Variants in PHACTR1 observed in about 807,000 individuals in gnomAD.
The protein encoded by PHACTR1 is RPEL repeat containing 1.
In PHACTR1, 16 loss-of-function variants were observed where a neutral mutation model predicts 69.2. The observed-to-expected ratio is 0.23, with a 90% CI of 0.16 to 0.35. The LOEUF is 0.35. Among genes scored for constraint, PHACTR1 ranks in the 10% least tolerant of loss-of-function variants. The pLI is 1.00. For missense variants in PHACTR1, 510 were observed against 734.7 expected, an observed-to-expected ratio of 0.69 and a Z score of 3.54; for synonymous variants, 312 against 284.5, an observed-to-expected ratio of 1.10 and a Z score of -0.97.
chr6:13,007,383 A>C (rs1002363376), intron 4 of PHACTR1, among the ~76,000 whole-genome samples: 1 of 152,196 alleles, frequency 6.6e-6, no homozygotes. Context: ...AAGAAACTGA[A>C]TACTTTGGAA....
intron 4 of PHACTR1, among the ~76,000 whole-genome samples, chr6:13,020,454 G>T (rs9369759): frequency 1.3e-5 from 2 of 152,036 alleles, no homozygotes; most frequent in Non-Finnish European, 2.9e-5. Flanking sequence ...GGACGTTGCT[G>T]TGACAGGCAG....
intron 4 of PHACTR1, among the ~76,000 whole-genome samples, chr6:12,835,032 C>T (rs779220662): frequency 2.0e-5 from 3 of 152,094 alleles, no homozygotes; most frequent in Admixed American, 6.6e-5. Flanking sequence ...GAGCAATGAG[C>T]TTAGGATGAA....
In PHACTR1 at chr6:12,899,831, G is replaced by A. The variant is rs79328972; in HGVS notation, c.250+150041G>A. ...TTCCAGCATGGCATGAGCTCACTGCGCAGGAGACTGCACGCCCGGGTCTGT... is the reference window on the plus strand; with the variant it reads ...TTCCAGCATGGCATGAGCTCACTGCACAGGAGACTGCACGCCCGGGTCTGT... On this transcript the variant is annotated intron_variant, in intron 4 of 14. Coordinates refer to ENST00000332995, the MANE Select transcript of PHACTR1 (RefSeq NM_030948.6). Among the ~76,000 whole-genome samples, 1,119 of 152,312 alleles carry A rather than the reference G, an allele frequency of 7.3e-3. 17 individuals carry two copies. The highest frequency in any genetic ancestry group is 0.026 in the African/African-American group (1,062 of 41,558).
chr6:13,104,232 T>TAACAAC (rs1395105779), intron 5 of PHACTR1, among the ~76,000 whole-genome samples: 1 of 152,232 alleles, frequency 6.6e-6, no homozygotes, highest in Non-Finnish European at 1.5e-5. Context: ...CTGTAGTCTG[T>TAACAAC]AACAACTTAC....
intron 4 of PHACTR1, among the ~76,000 whole-genome samples, chr6:12,816,203 C>T (rs1455895777): frequency 7.2e-5 from 11 of 152,188 alleles, no homozygotes; most frequent in Admixed American, 5.2e-4. Flanking sequence ...GTTAATGTAT[C>T]GCCTTAATGT....
chr6:13,156,257 T>A (rs189197081), intron 5 of PHACTR1, among the ~76,000 whole-genome samples: 200 of 152,322 alleles, frequency 1.3e-3, no homozygotes, highest in Non-Finnish European at 2.5e-4. Flanking sequence ...ATCTGTGCAT[T>A]CGCTGTGGGC....
At chr6:12,978,232 A>C (rs887953053) in intron 4 of PHACTR1, among the ~76,000 whole-genome samples, 33 of 152,030 alleles carry the variant, frequency 2.2e-4, no homozygotes, top group African/African-American at 7.5e-4. Context: ...CAAAATCTGA[A>C]TCTCATCATG....
At chr6:13,120,185 T>C (rs946076673) in intron 5 of PHACTR1, among the ~76,000 whole-genome samples, 2 of 152,226 alleles carry the variant, frequency 1.3e-5, no homozygotes, top group Non-Finnish European at 2.9e-5. Flanking sequence ...TGGTCTACAA[T>C]CTAGCTTTGC....
chr6:12,962,666 G>A (rs1263125654), intron 4 of PHACTR1, among the ~76,000 whole-genome samples: 1 of 152,178 alleles, frequency 6.6e-6, no homozygotes, highest in Non-Finnish European at 1.5e-5. Flanking sequence ...CAAAGCACTG[G>A]TAGATTGTAC....
intron 5 of PHACTR1, among the ~76,000 whole-genome samples, chr6:13,159,180 T>C (rs1428616252): frequency 6.6e-6 from 1 of 152,220 alleles, no homozygotes; most frequent in Non-Finnish European, 1.5e-5. Flanking sequence ...TCCCAAGCAC[T>C]TGACCTAGGT....
chr6:12,774,803 TAGTC>T (rs1267994647), intron 4 of PHACTR1, among the ~76,000 whole-genome samples: 28 of 152,156 alleles, frequency 1.8e-4, no homozygotes, highest in African/African-American at 2.9e-4. Context: ...TTACTTCTGA[TAGTC>T]AGTTTTCAGG....
At chr6:12,730,465 A>C (rs1353026310) in intron 3 of PHACTR1, among the ~76,000 whole-genome samples, 1 of 150,260 alleles carries the variant, frequency 6.7e-6, no homozygotes, top group Non-Finnish European at 1.5e-5. Context: ...ATTTAAAAAA[A>C]CACACGTGAT....
intron 10 of PHACTR1, among the ~76,000 whole-genome samples, chr6:13,255,129 G>T (rs188448773): frequency 6.6e-6 from 1 of 152,294 alleles, no homozygotes; most frequent in East Asian, 1.9e-4. Flanking sequence ...TCCAATCATG[G>T]CAGGAAACAA....
intron 6 of PHACTR1, 66 bp from the exon 7 acceptor site, chr6:13,182,453 G>T (rs3778646): frequency 0.27 from 415,797 of 1,540,766 alleles, 60,860 homozygotes; most frequent in East Asian, 0.41. Context: ...CAGCAGGCGG[G>T]AAGTGCCACT....
rs896163186 is a variant in PHACTR1 at position 13,263,886 on chromosome 6, A to G, written c.1392-8974A>G. On this transcript the variant is annotated intron_variant, in intron 10 of 14. Transcript: ENST00000332995. ...GCTCTGCTGCTCAGCTTTCTATGTT[A>G]ACCAGTACTTAAGAGATGCACCAGG... is the stretch of plus-strand genomic sequence containing the variant. Among the ~76,000 whole-genome samples, 3 of 152,124 alleles carry G rather than the reference A, an allele frequency of 2.0e-5. No homozygotes were observed. The South Asian group carries it at 6.2e-4, about 32-fold the overall frequency.
At chr6:12,997,319 A>G (rs1486041691) in intron 4 of PHACTR1, among the ~76,000 whole-genome samples, 1 of 147,828 alleles carries the variant, frequency 6.8e-6, no homozygotes, top group Non-Finnish European at 1.5e-5. Context: ...TTTATGTATA[A>G]GTAAATATAT....
At chr6:12,912,160 G>A (rs565231474) in intron 4 of PHACTR1, among the ~76,000 whole-genome samples, 186 of 152,210 alleles carry the variant, frequency 1.2e-3, no homozygotes, top group African/African-American at 4.3e-3. Flanking sequence ...ACCATGCCTG[G>A]CTAATTTTTT....
intron 4 of PHACTR1, among the ~76,000 whole-genome samples, chr6:12,755,120 A>G (rs544308364): frequency 6.6e-6 from 1 of 152,276 alleles, no homozygotes; most frequent in East Asian, 1.9e-4. Flanking sequence ...TCTGAGCATC[A>G]TTATTATTTT....
chr6:13,281,255 C>G lies in PHACTR1; in HGVS notation c.1510-2167C>G, dbSNP rs112037332. ...ACTTTTCTCACATCATGGGTGCACT[C>G]AGAAAATAACCCTTTGGGCCGGGCT... On this transcript the variant is annotated intron_variant, in intron 12 of 14. Coordinates refer to ENST00000332995, the MANE Select transcript of PHACTR1 (RefSeq NM_030948.6). 1.6e-4 allele frequency: 98 copies of G among 611,950 alleles called. 1 individual carries two copies. In the South Asian group the frequency reaches 1.9e-3, roughly 12 times the overall value. 37.9% of individuals were successfully genotyped at this position (611,950 alleles called of 1,614,324 possible).
Sources: allele counts gnomAD v4.1 joint callset (sites outside exome capture counted in the v4.1 genomes callset), GRCh38; gene constraint gnomAD v4.1.1; transcripts MANE v1.5; gene names NCBI Gene and HGNC (gene_info 2026-07-23, HGNC 2026-07-21).